ZNF426: variants seen among roughly 807,000 people sequenced by gnomAD.
ZNF426 encodes the protein zinc finger protein 426, also known as CTC-543D15.7.
Under a neutral mutation model 24.0 loss-of-function variants are expected in ZNF426, and 23 were observed. That is an observed-to-expected ratio of 0.96 (90% CI 0.69 to 1.36). The LOEUF is 1.36. ZNF426 is among the 40% of genes most tolerant of loss of function. The pLI, the probability that ZNF426 is intolerant of heterozygous loss-of-function variation, is 0.00. For missense variants in ZNF426, 646 were observed against 658.4 expected (o/e 0.98, Z 0.21); for synonymous variants, 272 against 224.6 (o/e 1.21, Z -1.89).
At chr19:9,534,980 C>G (rs778913940) in intron 4 of ZNF426, among the ~76,000 whole-genome samples, 1 of 150,448 alleles carries the variant, frequency 6.6e-6, no homozygotes, top group Non-Finnish European at 1.5e-5. Flanking sequence ...CCTTGAGTGA[C>G]ACTTTATTTG....
chr19:9,535,395 A>G, intron 3 of ZNF426, 116 bp from the exon 4 acceptor site: 2 of 696,966 alleles, frequency 2.9e-6, no homozygotes, highest in East Asian at 2.9e-5. Context: ...AAATCAGGAA[A>G]ACACACATAA....
At chr19:9,532,492 C>T (rs2073901716) in intron 6 of ZNF426, among the ~76,000 whole-genome samples, 1 of 151,750 alleles carries the variant, frequency 6.6e-6, no homozygotes, top group South Asian at 2.1e-4. Flanking sequence ...AAACAAGGTT[C>T]TCGGTATGTT....
intron 4 of ZNF426, among the ~76,000 whole-genome samples, 154 bp from the exon 5 acceptor site, chr19:9,534,120 T>G (rs1337315905): frequency 6.6e-6 from 1 of 152,226 alleles, no homozygotes; most frequent in Non-Finnish European, 1.5e-5. Flanking sequence ...CCTCGCACCC[T>G]AAACATACTC....
In ZNF426 at chr19:9,530,973, T is replaced by C. The variant is rs368108667; in HGVS notation, c.408+12A>G. On this transcript the variant is annotated intron_variant, in intron 7 of 7. Transcript: ENST00000253115. Reference sequence around the variant, plus strand: ...AGGGTGGAAAATAAAAAATATCCTATGCAAATCTTACCAATTGTATCCCAA... The same window carrying C: ...AGGGTGGAAAATAAAAAATATCCTACGCAAATCTTACCAATTGTATCCCAA... 1.9e-4 allele frequency: 299 copies of C among 1,603,744 alleles called. 2 individuals are homozygous for C. In the South Asian group the frequency reaches 2.5e-3, roughly 14 times the overall value.
intron 5 of ZNF426, among the ~76,000 whole-genome samples, chr19:9,533,139 G>A (rs1347803110): frequency 2.0e-5 from 3 of 152,160 alleles, no homozygotes; most frequent in Non-Finnish European, 2.9e-5. Context: ...AAAGCACTGA[G>A]ACTTTTATTC....
Position 9,528,977 on chromosome 19 carries a change from T to A in ZNF426, c.1068A>T (p.Arg356=). ...TQYSGLSMHV[R]SHSGDKPYEC... The stretch of plus-strand genomic sequence containing the variant: ...CATAGGGCTTGTCTCCACTGTGAGA[T>A]CGTACATGCATACTAAGGCCCGAGT... The change falls in exon 8 of 8, where the codon CGA becomes CGT. Residue 356 remains arginine, a synonymous_variant. Coordinates refer to ENST00000253115, the MANE Select transcript of ZNF426 (RefSeq NM_024106.3). The A allele has an allele frequency of 6.2e-7, 1 of 1,613,924 alleles. No homozygotes were observed. Among genetic ancestry groups the A allele is most frequent in the Non-Finnish European group, 8.5e-7 (1 of 1,179,940 alleles).
At chr19:9,529,974 A>T (rs2073858284) in intron 7 of ZNF426, among the ~76,000 whole-genome samples, 1 of 152,128 alleles carries the variant, frequency 6.6e-6, no homozygotes, top group Admixed American at 6.6e-5. Context: ...TACAAAAATT[A>T]GCTGGGCTTG....
At chr19:9,537,837 A>G (rs1000269603) in intron 2 of ZNF426, among the ~76,000 whole-genome samples, 2 of 152,012 alleles carry the variant, frequency 1.3e-5, no homozygotes, top group African/African-American at 4.8e-5. Flanking sequence ...TATTTTTAGT[A>G]GAGACGGGGT....
Position 9,529,396 on chromosome 19 carries a change from T to G in ZNF426, c.649A>C (p.Thr217Pro). The change falls in exon 8 of 8, where the codon ACT becomes CCT. Residue 217 changes from threonine (T) to proline (P), a missense_variant. Transcript: ENST00000253115. ...SLTPNIVYQR[T>P]STQEKSFECS... The stretch of plus-strand genomic sequence containing the variant: ...TCAAATGACTTTTCTTGTGTGCTAG[T>G]TCTCTGGTATACAATATTTGGTGTC... The G allele has an allele frequency of 6.2e-7, 1 of 1,613,970 alleles. No individual in the cohort carries two copies. The highest frequency in any genetic ancestry group is 8.5e-7 in the Non-Finnish European group (1 of 1,179,974).
In ZNF426 at chr19:9,536,343, G is replaced by A. The variant is rs1044125040; in HGVS notation, c.-111C>T. The A allele has an allele frequency of 2.5e-6, 4 of 1,603,196 alleles. No individual in the cohort carries two copies. The highest frequency in any genetic ancestry group is 1.1e-5 in the South Asian group (1 of 89,362). On this transcript the variant is annotated 5_prime_UTR_variant, in exon 3 of 8. Coordinates refer to ENST00000253115, the MANE Select transcript of ZNF426 (RefSeq NM_024106.3). ...GCAATCTCCATTCCTCTTTAAACAG[G>A]GTTATTGGGATTCCTGTTGGTATTA... is the stretch of plus-strand genomic sequence containing the variant.
Position 9,538,577 on chromosome 19 carries a change from A to AG in ZNF426, c.-215dup, listed in dbSNP as rs2074003843. On this transcript the variant is annotated 5_prime_UTR_variant, in exon 1 of 8. Coordinates refer to ENST00000253115, the MANE Select transcript of ZNF426 (RefSeq NM_024106.3). ...CAGTTCATCTCCTCGGAACTCACCC[A>AG]GGCCAGTGAGGCCTTAACTCTGAAA... The AG allele has an allele frequency of 6.6e-6, 1 of 152,250 alleles. No homozygotes were observed. The highest frequency in any genetic ancestry group is 1.9e-4 in the East Asian group (1 of 5,194). 9.4% of individuals were successfully genotyped at this position (152,250 alleles called of 1,614,324 possible). A position where few individuals can be genotyped will look rare whatever the true frequency, so the allele number is the denominator to read the frequency against.
rs1210895955 is a variant in ZNF426 at position 9,524,860 on chromosome 19, G to T, written c.*3520C>A. On this transcript the variant is annotated 3_prime_UTR_variant, in exon 8 of 8. Coordinates refer to ENST00000253115, the MANE Select transcript of ZNF426 (RefSeq NM_024106.3). ...TTCACAGGGTTTCTTTACCATGTGA[G>T]TTCATATACTTGAAATGAATTTAAA... 1 of 150,964 alleles carries T rather than the reference G, an allele frequency of 6.6e-6. No homozygotes were observed. The highest frequency in any genetic ancestry group is 1.5e-5 in the Non-Finnish European group (1 of 67,876). The allele number at this position is 150,964 out of a possible 1,614,324, so 9.4% of individuals were successfully genotyped here. A position where few individuals can be genotyped will look rare whatever the true frequency, so the allele number is the denominator to read the frequency against.
At chr19:9,535,077 CAAAAAAA>C (rs35638085) in intron 4 of ZNF426, 104 bp downstream of exon 4, 31 of 416,112 alleles carry the variant, frequency 7.4e-5, no homozygotes, top group Admixed American at 1.4e-4. Context: ...GACTCCCTCT[CAAAAAAA>C]AAAAAAAAAA....
Position 9,528,315 on chromosome 19 carries a change from A to G in ZNF426, c.*65T>C, listed in dbSNP as rs556197434. The G allele has an allele frequency of 3.4e-6, 5 of 1,451,378 alleles. No individual in the cohort carries two copies. Among genetic ancestry groups the G allele is most frequent in the East Asian group, 2.3e-5 (1 of 43,832 alleles). The allele number at this position is 1,451,378 out of a possible 1,614,324, so 89.9% of individuals were successfully genotyped here. On this transcript the variant is annotated 3_prime_UTR_variant, in exon 8 of 8. Coordinates refer to ENST00000253115, the MANE Select transcript of ZNF426 (RefSeq NM_024106.3). ...TCTTCTCTCCAGAGTGAGTTCATTC[A>G]TGTCTTTAAAGTGAACTGGAACAAA...
chr19:9,528,328 G>C lies in ZNF426; in HGVS notation c.*52C>G. ...GTGAGTTCATTCATGTCTTTAAAGT[G>C]AACTGGAACAAATGAGAGCTTTCCC... On this transcript the variant is annotated 3_prime_UTR_variant, in exon 8 of 8. Transcript: ENST00000253115. The C allele has an allele frequency of 6.6e-7, 1 of 1,504,806 alleles. No homozygotes were observed. Among genetic ancestry groups the C allele is most frequent in the Non-Finnish European group, 8.9e-7 (1 of 1,120,072 alleles). 93.2% of individuals were successfully genotyped at this position (1,504,806 alleles called of 1,614,324 possible).
At chr19:9,535,151 G>A (rs754236716) in intron 4 of ZNF426, 37 bp downstream of exon 4, 3 of 1,500,734 alleles carry the variant, frequency 2.0e-6, no homozygotes, top group Non-Finnish European at 1.8e-6. Flanking sequence ...GTGGATGCAA[G>A]TATGTCACTA....
In ZNF426 at chr19:9,526,760, A is replaced by C. The variant is rs939063473; in HGVS notation, c.*1620T>G. On this transcript the variant is annotated 3_prime_UTR_variant, in exon 8 of 8. Transcript: ENST00000253115. ...GCAAACACCAAGAAGGACGAGCACCAAAAACCTATACCTAGGCATATCATT... is the reference window on the plus strand; with the variant it reads ...GCAAACACCAAGAAGGACGAGCACCCAAAACCTATACCTAGGCATATCATT... 1 of 152,194 alleles carries C rather than the reference A, an allele frequency of 6.6e-6. No homozygotes were observed. Among genetic ancestry groups the C allele is most frequent in the East Asian group, 1.9e-4 (1 of 5,200 alleles). 9.4% of individuals were successfully genotyped at this position (152,194 alleles called of 1,614,324 possible).
rs936881906 is a variant in ZNF426, at chr19:9,528,346, G to A, written c.*34C>T. ...TTAAAGTGAACTGGAACAAATGAGAGCTTTCCCACATTTATTACATGGACA... is the reference window on the plus strand; with the variant it reads ...TTAAAGTGAACTGGAACAAATGAGAACTTTCCCACATTTATTACATGGACA... On this transcript the variant is annotated 3_prime_UTR_variant, in exon 8 of 8. Transcript: ENST00000253115. 1 of 1,536,616 alleles carries A rather than the reference G, an allele frequency of 6.5e-7. No homozygotes were observed. The highest frequency in any genetic ancestry group is 2.3e-5 in the East Asian group (1 of 44,348).
rs1184572529 is a variant in ZNF426 at position 9,526,856 on chromosome 19, A to G, written c.*1524T>C. ...CCAGAGGGGGGGAAATGCTTTAAGT[A>G]TTGAGGATCAAGTATAAGAATTACA... On this transcript the variant is annotated 3_prime_UTR_variant, in exon 8 of 8. Coordinates refer to ENST00000253115, the MANE Select transcript of ZNF426 (RefSeq NM_024106.3). The G allele has an allele frequency of 3.3e-5, 5 of 152,180 alleles. No individual in the cohort carries two copies. The highest frequency in any genetic ancestry group is 2.6e-4 in the Admixed American group (4 of 15,258). The allele number at this position is 152,180 out of a possible 1,614,324, so 9.4% of individuals were successfully genotyped here.
Sources: allele counts gnomAD v4.1 joint callset (sites outside exome capture counted in the v4.1 genomes callset), GRCh38; gene constraint gnomAD v4.1.1; transcripts MANE v1.5; gene names NCBI Gene and HGNC (gene_info 2026-07-23, HGNC 2026-07-21).